Variants in NUP98 observed in about 807,000 individuals in gnomAD.
NUP98 encodes the protein nuclear pore complex protein Nup98-Nup96.
In NUP98, 26 loss-of-function variants were observed where a neutral mutation model predicts 191.9. The ratio of observed to expected loss-of-function variants is 0.14; its 90% CI spans 0.10 to 0.19. The LOEUF (loss-of-function observed/expected upper bound fraction) is 0.19. Among genes scored for constraint, NUP98 ranks in the 10% least tolerant of loss-of-function variants. The probability of loss-of-function intolerance (pLI) is 1.00; values close to 1 mark genes in which losing one functional copy is unlikely to be tolerated. For missense variants in NUP98, 1,941 were observed against 2,178.8 expected (o/e 0.89, Z 2.17); for synonymous variants, 808 against 778.4 (o/e 1.04, Z -0.63).
chr11:3,794,105 T>C (rs1170762578), intron 1 of NUP98, among the ~76,000 whole-genome samples: 1 of 152,178 alleles, frequency 6.6e-6, no homozygotes, highest in East Asian at 1.9e-4. Context: ...GGGTATCTAA[T>C]GGGTAGAGGT....
intron 23 of NUP98, among the ~76,000 whole-genome samples, chr11:3,701,967 T>G (rs1024300977): frequency 1.3e-5 from 2 of 151,950 alleles, no homozygotes; most frequent in African/African-American, 4.8e-5. Context: ...GATTACAGGT[T>G]GTTTTTTATT....
In NUP98 at chr11:3,782,083, C is replaced by A. The variant is rs768366119; in HGVS notation, c.35G>T (p.Gly12Val). 1.9e-6 allele frequency: 3 copies of A among 1,612,432 alleles called. No individual in the cohort carries two copies. Among genetic ancestry groups the A allele is most frequent in the Non-Finnish European group, 2.5e-6 (3 of 1,179,178 alleles). Residue 12 changes from glycine to valine, a missense_variant, in exon 2 of 33, where the codon GGT (glycine) becomes GTT (valine). Coordinates refer to ENST00000324932, the MANE Select transcript of NUP98 (RefSeq NM_016320.5). ...AGTTGTGCCAAAGCCACCTGTGCCA[C>A]CCCCAAAGGGTGTTCCAAATGATTT... ...FNKSFGTPFG[G>V]GTGGFGTTST...
At position 3,756,264 on chromosome 11, in the gene NUP98, A is replaced by G. The variant is rs545515787; in HGVS notation, c.1175-2856T>C. Among the ~76,000 whole-genome samples the G allele has an allele frequency of 2.4e-4, 36 of 152,338 alleles. No individual in the cohort carries two copies. The South Asian group carries it at 6.8e-3, about 29-fold the overall frequency. ...ACCCACAGAAGGGAAATAAATCCCA[A>G]CTTACACTGTTTATACCACACATTT... On this transcript the variant is annotated intron_variant, in intron 10 of 32. Transcript: ENST00000324932.
chr11:3,689,405 T>C (rs2078236666), intron 28 of NUP98, among the ~76,000 whole-genome samples: 2 of 151,950 alleles, frequency 1.3e-5, no homozygotes, highest in Non-Finnish European at 2.9e-5. Flanking sequence ...TGGGTGCCTC[T>C]AGTCCCAGCT....
At chr11:3,794,625 C>A (rs991391258) in intron 1 of NUP98, among the ~76,000 whole-genome samples, 2 of 152,056 alleles carry the variant, frequency 1.3e-5, no homozygotes, top group Non-Finnish European at 2.9e-5. Context: ...CCACACCACG[C>A]CTTTGTTTTA....
intron 7 of NUP98, among the ~76,000 whole-genome samples, chr11:3,771,025 G>A (rs2081514240): frequency 6.6e-6 from 1 of 152,050 alleles, no homozygotes; most frequent in Non-Finnish European, 1.5e-5. Flanking sequence ...ACCACGCCTG[G>A]CTAATTTTCA....
chr11:3,728,766 A>G (rs910474671), intron 14 of NUP98, among the ~76,000 whole-genome samples: 17 of 152,256 alleles, frequency 1.1e-4, no homozygotes, highest in South Asian at 2.1e-4. Flanking sequence ...AAAAATAAAA[A>G]CAATAAGAAC....
chr11:3,740,686 A>T (rs115847313), intron 12 of NUP98, among the ~76,000 whole-genome samples: 1 of 152,192 alleles, frequency 6.6e-6, no homozygotes, highest in Non-Finnish European at 1.5e-5. Flanking sequence ...AGAATCTGAC[A>T]TTCTAACATT....
intron 21 of NUP98, 61 bp from the exon 22 acceptor site, chr11:3,705,417 A>C: frequency 6.4e-7 from 1 of 1,566,834 alleles, no homozygotes; most frequent in East Asian, 2.2e-5. Context: ...CATACCAAAA[A>C]AAAATGCAGT....
chr11:3,776,609 T>C (rs2081740574), intron 4 of NUP98, among the ~76,000 whole-genome samples: 1 of 151,734 alleles, frequency 6.6e-6, no homozygotes, highest in African/African-American at 2.4e-5. Flanking sequence ...CTCAGCCTCC[T>C]GAGTAGCTGG....
chr11:3,752,359 A>C (rs2080793564), intron 11 of NUP98, among the ~76,000 whole-genome samples: 2 of 151,778 alleles, frequency 1.3e-5, no homozygotes, highest in East Asian at 3.9e-4. Flanking sequence ...TCTACTAAAA[A>C]TACAATAATT....
intron 1 of NUP98, among the ~76,000 whole-genome samples, chr11:3,791,798 C>G (rs949207824): frequency 2.0e-5 from 3 of 147,954 alleles, no homozygotes; most frequent in Non-Finnish European, 4.4e-5. Flanking sequence ...GCCGAGATCA[C>G]GACACTGCAC....
At chr11:3,768,417 T>A (rs888384023) in intron 8 of NUP98, among the ~76,000 whole-genome samples, 164 bp downstream of exon 8, 2 of 143,260 alleles carry the variant, frequency 1.4e-5, no homozygotes, top group African/African-American at 5.2e-5. Context: ...CGAGACTCCA[T>A]CTCAAAAAAA....
At chr11:3,788,189 G>A (rs1466548899) in intron 1 of NUP98, among the ~76,000 whole-genome samples, 1 of 152,170 alleles carries the variant, frequency 6.6e-6, no homozygotes, top group Non-Finnish European at 1.5e-5. Flanking sequence ...ATAGTCCATA[G>A]CATCTTACAT....
intron 31 of NUP98, among the ~76,000 whole-genome samples, chr11:3,679,283 G>C (rs986133055): frequency 6.6e-5 from 10 of 152,118 alleles, no homozygotes; most frequent in African/African-American, 1.9e-4. Context: ...ACTCAAACTA[G>C]GACTGAACAA....
chr11:3,699,565 T>C (rs2078614614), intron 24 of NUP98, among the ~76,000 whole-genome samples: 1 of 152,358 alleles, frequency 6.6e-6, no homozygotes, highest in Admixed American at 6.5e-5. Context: ...CATATCATGT[T>C]TCTGTGGTAC....
chr11:3,760,685 A>C, intron 9 of NUP98, 59 bp from the exon 10 acceptor site: 2 of 1,439,608 alleles, frequency 1.4e-6, no homozygotes, highest in Non-Finnish European at 1.9e-6. Context: ...ACCAAACTAA[A>C]TACAGGTTAC....
At chr11:3,792,338 T>C (rs1201990205) in intron 1 of NUP98, among the ~76,000 whole-genome samples, 2 of 151,712 alleles carry the variant, frequency 1.3e-5, no homozygotes. Context: ...GCCAGGCCTA[T>C]GGGGCTCATG....
chr11:3,699,812 G>A (rs557382578), intron 24 of NUP98, among the ~76,000 whole-genome samples: 24 of 152,156 alleles, frequency 1.6e-4, no homozygotes, highest in Middle Eastern at 6.3e-3. Flanking sequence ...ATCTCAAAAC[G>A]TGTGGCATAG....
Sources: allele counts gnomAD v4.1 joint callset (sites outside exome capture counted in the v4.1 genomes callset), GRCh38; gene constraint gnomAD v4.1.1; transcripts MANE v1.5; gene names NCBI Gene and HGNC (gene_info 2026-07-23, HGNC 2026-07-21).